Variants in ACACA observed in about 807,000 individuals in gnomAD.
ACACA encodes acetyl-CoA carboxylase 1.
A neutral mutation model predicts 296.1 loss-of-function variants in ACACA; 103 were observed. That is an observed-to-expected ratio of 0.35 (90% CI 0.30 to 0.41). ACACA has a LOEUF of 0.41. ACACA is among the 10% of genes least tolerant of loss of function. The pLI is 1.00. For synonymous variants in ACACA, 953 were observed against 1,038.6 expected, an observed-to-expected ratio of 0.92 and a Z score of 1.58; for missense variants, 1,554 against 2,989.7, an observed-to-expected ratio of 0.52 and a Z score of 11.20.
intron 26 of ACACA, chr17:37,225,502 C>G (rs1321531426): frequency 2.0e-5 from 4 of 204,364 alleles, no homozygotes; most frequent in South Asian, 8.4e-5. Flanking sequence ...GCAGAGCTAG[C>G]CTTTTACAAC....
At chr17:37,268,507 C>T in intron 10 of ACACA, among the ~76,000 whole-genome samples, 1 of 152,014 alleles carries the variant, frequency 6.6e-6, no homozygotes, top group East Asian at 1.9e-4. Flanking sequence ...GCACCCCTCC[C>T]CAGGAAGCCC....
At chr17:37,347,165 T>C (rs1335182965) in intron 1 of ACACA, among the ~76,000 whole-genome samples, 1 of 152,092 alleles carries the variant, frequency 6.6e-6, no homozygotes, top group Non-Finnish European at 1.5e-5. Context: ...AGTGAATAAG[T>C]CTCACGAGTT....
At chr17:37,308,509 C>A (rs1031646858) in intron 3 of ACACA, among the ~76,000 whole-genome samples, 1 of 152,118 alleles carries the variant, frequency 6.6e-6, no homozygotes, top group Non-Finnish European at 1.5e-5. Context: ...TTATTACAAA[C>A]TTTATGCCAA....
intron 1 of ACACA, among the ~76,000 whole-genome samples, chr17:37,374,975 C>G (rs1010004354): frequency 2.6e-5 from 4 of 152,002 alleles, no homozygotes; most frequent in African/African-American, 9.7e-5. Context: ...GGGGGCAGAT[C>G]ACTTGAGGTC....
At chr17:37,404,166 G>A (rs2051385573) in intron 1 of ACACA, among the ~76,000 whole-genome samples, 1 of 152,124 alleles carries the variant, frequency 6.6e-6, no homozygotes, top group Admixed American at 6.6e-5. Context: ...ATTCATTGTT[G>A]ACAATCATGA....
At chr17:37,179,156 C>A in intron 41 of ACACA, 104 bp downstream of exon 41, 2 of 1,438,554 alleles carry the variant, frequency 1.4e-6, no homozygotes, top group Non-Finnish European at 1.9e-6. Context: ...AGAACTCTCC[C>A]AACAAGACTA....
chr17:37,389,441 A>C, intron 1 of ACACA: 1 of 1,507,300 alleles, frequency 6.6e-7, no homozygotes, highest in Non-Finnish European at 8.9e-7. Context: ...TCACACCTCT[A>C]TTCCCAGCAC....
chr17:37,229,405 G>A (rs879712378), intron 25 of ACACA, among the ~76,000 whole-genome samples: 6 of 151,654 alleles, frequency 4.0e-5, no homozygotes, highest in Non-Finnish European at 5.9e-5. Context: ...CGGGGTTCAC[G>A]CCATTCTCCT....
chr17:37,204,128 T>C (rs926553811), intron 33 of ACACA, among the ~76,000 whole-genome samples: 1 of 152,258 alleles, frequency 6.6e-6, no homozygotes, highest in Admixed American at 6.5e-5. Context: ...GTTCTTTCTC[T>C]GCAAGAAGTC....
intron 2 of ACACA, among the ~76,000 whole-genome samples, chr17:37,336,146 C>T (rs1369810896): frequency 6.6e-6 from 1 of 152,024 alleles, no homozygotes; most frequent in Non-Finnish European, 1.5e-5. Flanking sequence ...CAAATGGAGC[C>T]CCAGATGCAG....
chr17:37,331,256 T>C (rs1210371086), intron 2 of ACACA, among the ~76,000 whole-genome samples: 1 of 147,674 alleles, frequency 6.8e-6, no homozygotes, highest in African/African-American at 2.5e-5. Context: ...TACCTGGGAC[T>C]ACAGGCACCC....
chr17:37,260,280 ATATATATATATATATATTTTTT>A (rs1222872040), intron 11 of ACACA, among the ~76,000 whole-genome samples: 3 of 32,420 alleles, frequency 9.3e-5, no homozygotes, highest in African/African-American at 5.7e-4. Flanking sequence ...ATATATATAT[ATATATATATATATATATTTTTT>A]TTTTTTTTTT....
intron 1 of ACACA, among the ~76,000 whole-genome samples, chr17:37,356,981 A>G (rs1189220797): frequency 6.8e-6 from 1 of 147,666 alleles, no homozygotes; most frequent in Non-Finnish European, 1.5e-5. Flanking sequence ...AATGTTACAT[A>G]GTGATCTACA....
At chr17:37,241,161 C>T (rs1030050673) in intron 23 of ACACA, among the ~76,000 whole-genome samples, 1 of 151,906 alleles carries the variant, frequency 6.6e-6, no homozygotes, top group Admixed American at 6.6e-5. Context: ...TGCTACTGTA[C>T]TACAACCTGG....
chr17:37,405,855 CTTTTTTTTTTT>C (rs3049528), intron 1 of ACACA, among the ~76,000 whole-genome samples: 2 of 53,560 alleles, frequency 3.7e-5, no homozygotes, highest in Non-Finnish European at 7.3e-5. Flanking sequence ...CCCGGCAGGG[CTTTTTTTTTTT>C]TTTTTTTTTG....
At chr17:37,246,769 C>T (rs753257727) in intron 19 of ACACA, 57 bp downstream of exon 19, 25 of 1,601,110 alleles carry the variant, frequency 1.6e-5, no homozygotes, top group Non-Finnish European at 2.0e-5. Flanking sequence ...TCCATCCCAG[C>T]CGACCCTTTT....
intron 1 of ACACA, chr17:37,391,662 G>A: frequency 6.2e-7 from 1 of 1,613,790 alleles, no homozygotes. Context: ...ACAAGATGCT[G>A]CCAATTCATC....
chr17:37,393,394 T>C (rs1158513199), intron 1 of ACACA, among the ~76,000 whole-genome samples: 2 of 152,132 alleles, frequency 1.3e-5, no homozygotes, highest in Non-Finnish European at 2.9e-5. Context: ...AAAAGCATTA[T>C]ATACTTAGAA....
At chr17:37,107,037 G>C (rs2073727723) in intron 52 of ACACA, among the ~76,000 whole-genome samples, 1 of 152,148 alleles carries the variant, frequency 6.6e-6, no homozygotes, top group Admixed American at 6.5e-5. Flanking sequence ...GCTAACAAAA[G>C]AGAGGAGGCA....
Sources: allele counts gnomAD v4.1 joint callset (sites outside exome capture counted in the v4.1 genomes callset), GRCh38; gene constraint gnomAD v4.1.1; transcripts MANE v1.5; gene names NCBI Gene and HGNC (gene_info 2026-07-23, HGNC 2026-07-21).